The following ALS2 variants were observed in gnomAD, a reference collection of about 807,000 sequenced individuals.
ALS2 encodes alsin Rho guanine nucleotide exchange factor ALS2.
In ALS2, 117 loss-of-function variants were observed where a neutral mutation model predicts 203.4. That is an observed-to-expected ratio of 0.58 (90% CI 0.50 to 0.67). ALS2 has a LOEUF of 0.67. Ranked by LOEUF, ALS2 falls within the 30% of genes least tolerant of loss-of-function variation. The probability of loss-of-function intolerance (pLI) is 0.00; values close to 1 mark genes in which losing one functional copy is unlikely to be tolerated. For synonymous variants in ALS2, 718 were observed against 725.9 expected (o/e 0.99, Z 0.17); for missense variants, 1,715 against 1,989.4 (o/e 0.86, Z 2.62).
At chr2:201,740,449 G>A (rs1432436732) in intron 11 of ALS2, among the ~76,000 whole-genome samples, 1 of 152,042 alleles carries the variant, frequency 6.6e-6, no homozygotes, top group Non-Finnish European at 1.5e-5. Context: ...TAAAGTACCA[G>A]AGAAGAAAAA....
rs1179022194 is a variant in ALS2, at chr2:201,760,991, T to G, written c.1003A>C (p.Asn335His). 1 of 1,614,076 alleles carries G rather than the reference T, an allele frequency of 6.2e-7. No individual in the cohort carries two copies. Among genetic ancestry groups the G allele is most frequent in the African/African-American group, 1.3e-5 (1 of 74,914 alleles). Residue 335 changes from asparagine to histidine, a missense_variant, in exon 4 of 34, where the codon AAC (asparagine) becomes CAC (histidine). Physicochemically the swap from Asn to His is moderately conservative, Grantham distance 68. Around this residue, in one of 3 missense-constraint regions of ALS2, gnomAD observed 476 missense variants for 539.3 expected, o/e 0.88. Transcript: ENST00000264276. ...MGTTEISSAR[N>H]IPSYPDTQAV... ...TGGGTGTCAGGGTATGATGGTATGT[T>G]TCTGGCAGAGGAAATTTCAGTTGTT... is the stretch of plus-strand genomic sequence containing the variant.
At chr2:201,702,476 G>T (rs1293069622) in intron 33 of ALS2, among the ~76,000 whole-genome samples, 2 of 152,044 alleles carry the variant, frequency 1.3e-5, no homozygotes, top group African/African-American at 2.4e-5. Context: ...CACATTTTTT[G>T]ATGTTGTTGA....
rs1689391255 is a variant in ALS2, at chr2:201,701,580, A to G, written c.*271T>C. ...AAGGGATATCCTCTTCTTTTTTCAAATAGTAGATAAATGGTATTTTTGGAA... is the reference window on the plus strand; with the variant it reads ...AAGGGATATCCTCTTCTTTTTTCAAGTAGTAGATAAATGGTATTTTTGGAA... On this transcript the variant is annotated 3_prime_UTR_variant, in exon 34 of 34. Coordinates refer to ENST00000264276, the MANE Select transcript of ALS2 (RefSeq NM_020919.4). The G allele has an allele frequency of 5.5e-6, 2 of 361,630 alleles. No individual in the cohort carries two copies. Among genetic ancestry groups the G allele is most frequent in the Admixed American group, 8.3e-5 (2 of 24,002 alleles). 22.4% of individuals were successfully genotyped at this position (361,630 alleles called of 1,614,324 possible).
intron 27 of ALS2, among the ~76,000 whole-genome samples, chr2:201,709,545 T>C (rs1450761800): frequency 6.6e-6 from 1 of 152,206 alleles, no homozygotes; most frequent in Non-Finnish European, 1.5e-5. Flanking sequence ...TATTAAACTT[T>C]GTCTACTCTG....
intron 29 of ALS2, 92 bp from the exon 30 acceptor site, chr2:201,705,553 G>T (rs1574656141): frequency 1.0e-6 from 1 of 966,612 alleles, no homozygotes; most frequent in Non-Finnish European, 1.6e-6. Context: ...TGGCTTCCTT[G>T]TCCCCATTAA....
intron 12 of ALS2, 91 bp downstream of exon 12, chr2:201,738,579 C>T: frequency 7.8e-7 from 1 of 1,287,416 alleles, no homozygotes; most frequent in Middle Eastern, 1.8e-4. Context: ...ATGATGAAGT[C>T]AAAGCTTTCC....
At chr2:201,770,632 A>G (rs1328653967) in intron 1 of ALS2, among the ~76,000 whole-genome samples, 3 of 152,326 alleles carry the variant, frequency 2.0e-5, no homozygotes, top group East Asian at 3.9e-4. Context: ...TAGAAAGATT[A>G]TCCTGGTTAT....
At chr2:201,760,722 G>T (rs1273863605) in intron 4 of ALS2, 159 bp downstream of exon 4, 5 of 1,430,734 alleles carry the variant, frequency 3.5e-6, no homozygotes, top group African/African-American at 1.4e-5. Flanking sequence ...ATTAATCCAG[G>T]TTCTTTCCTT....
chr2:201,702,800 C>G, intron 33 of ALS2, among the ~76,000 whole-genome samples: 1 of 152,142 alleles, frequency 6.6e-6, no homozygotes, highest in East Asian at 1.9e-4. Context: ...GTTTCTCCCC[C>G]TTTTCAGTTT....
At chr2:201,728,747 G>A (rs778846680) in intron 14 of ALS2, 107 bp from the exon 15 acceptor site, 11 of 1,357,064 alleles carry the variant, frequency 8.1e-6, no homozygotes, top group South Asian at 4.0e-5. Flanking sequence ...TTTGCTGGTC[G>A]TAGCTTAGCT....
intron 4 of ALS2, chr2:201,759,868 G>C: frequency 1.0e-6 from 1 of 985,072 alleles, no homozygotes; most frequent in Non-Finnish European, 1.2e-6. Flanking sequence ...TTACAGTTTT[G>C]GTAAAGCAAA....
chr2:201,756,988 G>T (rs1693440835), intron 5 of ALS2, among the ~76,000 whole-genome samples: 1 of 152,148 alleles, frequency 6.6e-6, no homozygotes, highest in Admixed American at 6.5e-5. Context: ...TATTGCCTAT[G>T]GTCTCAGAAA....
In ALS2 at chr2:201,704,535, A is replaced by G; in HGVS notation, c.4757T>C (p.Val1586Ala). 1 of 1,614,120 alleles carries G rather than the reference A, an allele frequency of 6.2e-7. No homozygotes were observed. The highest frequency in any genetic ancestry group is 1.1e-5 in the South Asian group (1 of 91,082). The change falls in exon 32 of 34, where the codon GTC becomes GCC. Residue 1586 changes from valine (V) to alanine (A), a missense_variant. Around this residue, in one of 3 missense-constraint regions of ALS2, gnomAD observed 1,227 missense variants for 1,413.5 expected, o/e 0.87. Transcript: ENST00000264276. Reference sequence around the variant, plus strand: ...GAAGTCTTCGTGGAGTGACGCCAGGACACTCTGAGAGATCTCCTCAAAAGT... The same window carrying G: ...GAAGTCTTCGTGGAGTGACGCCAGGGCACTCTGAGAGATCTCCTCAAAAGT... ...QQTFEEISQS[V>A]LASLHEDFLW...
At chr2:201,719,317 G>A (rs1356041582) in intron 23 of ALS2, among the ~76,000 whole-genome samples, 3 of 152,170 alleles carry the variant, frequency 2.0e-5, no homozygotes, top group African/African-American at 7.2e-5. Context: ...AGGGTTGGGC[G>A]CTGTGGCTCA....
In ALS2 at chr2:201,746,636, G is replaced by A. The variant is rs1204080480; in HGVS notation, c.1928C>T (p.Pro643Leu). ...CTCTGGAAGGTTGTCACCTTCTGTA[G>A]GGTCCTGTCGGCCACTGTAATATAA... ...PGLYYSGRQD[P>L]TEGDNLPENH... The change falls in exon 9 of 34, where the codon CCT (proline) becomes CTT (leucine). Residue 643 changes from proline to leucine, a missense_variant. Coordinates refer to ENST00000264276, the MANE Select transcript of ALS2 (RefSeq NM_020919.4). The A allele has an allele frequency of 1.2e-6, 2 of 1,614,120 alleles. No homozygotes were observed. The highest frequency in any genetic ancestry group is 8.5e-7 in the Non-Finnish European group (1 of 1,180,012).
chr2:201,757,945 G>A (rs550350500), intron 4 of ALS2, among the ~76,000 whole-genome samples, 186 bp from the exon 5 acceptor site: 2 of 152,308 alleles, frequency 1.3e-5, no homozygotes, highest in Non-Finnish European at 2.9e-5. Context: ...AAATGGAAAT[G>A]AGTACTCAAA....
intron 8 of ALS2, 66 bp from the exon 9 acceptor site, chr2:201,746,814 G>A: frequency 6.3e-7 from 1 of 1,581,212 alleles, no homozygotes; most frequent in Non-Finnish European, 8.7e-7. Context: ...CGGATCCACA[G>A]GAACTGAAAC....
At chr2:201,772,872 T>TC (rs1553517308) in intron 1 of ALS2, among the ~76,000 whole-genome samples, 39 of 106,114 alleles carry the variant, frequency 3.7e-4, no homozygotes, top group African/African-American at 5.1e-4. Flanking sequence ...TTTTTTTTTT[T>TC]CATTTTTGAG....
Position 201,741,701 on chromosome 2 carries a change from G to A in ALS2, c.2324C>T (p.Ser775Leu), listed in dbSNP as rs1692279087. 6.2e-7 allele frequency: 1 copy of A among 1,613,954 alleles called. No individual in the cohort carries two copies. Among genetic ancestry groups the A allele is most frequent in the African/African-American group, 1.3e-5 (1 of 74,884 alleles). ...EARSLVILKH[S>L]SLFLDSYTEY... is the part of the protein sequence containing the mutation. ...TGTATAACTATCCAAGAAGAGACTT[G>A]AATGCTTCAGGATGACCAAACTCCT... Residue 775 changes from serine (S) to leucine (L), a missense_variant, in exon 11 of 34, where the codon TCA becomes TTA. By Grantham distance (145) the Ser-to-Leu change is moderately radical. Transcript: ENST00000264276.
Sources: allele counts gnomAD v4.1 joint callset (sites outside exome capture counted in the v4.1 genomes callset), GRCh38; gene constraint gnomAD v4.1.1; regional missense constraint gnomAD v4.1.1; transcripts MANE v1.5; gene names NCBI Gene and HGNC (gene_info 2026-07-23, HGNC 2026-07-21).